FCER1A: variants seen among roughly 807,000 people sequenced by gnomAD.
The protein encoded by FCER1A is high affinity immunoglobulin epsilon receptor subunit alpha.
A neutral mutation model predicts 23.6 loss-of-function variants in FCER1A; 24 were observed. That is an observed-to-expected ratio of 1.02 (90% CI 0.74 to 1.43). The LOEUF (loss-of-function observed/expected upper bound fraction) is 1.43, where lower values mean the gene tolerates loss of function less well. FCER1A is among the 40% of genes most tolerant of loss of function. The pLI is 0.00. For missense variants in FCER1A, 318 were observed against 294.5 expected (o/e 1.08, Z -0.58); for synonymous variants, 121 against 108.8 (o/e 1.11, Z -0.70).
In FCER1A at chr1:159,303,878, A is replaced by G. The variant is rs756393452; in HGVS notation, c.77-50A>G. 21 of 1,487,198 alleles carry G rather than the reference A, an allele frequency of 1.4e-5. No individual in the cohort carries two copies. In the South Asian group the frequency reaches 1.6e-4, roughly 11 times the overall value. 92.1% of individuals were successfully genotyped at this position (1,487,198 alleles called of 1,614,324 possible). ...TACTTTTAAGCCTAGACAGTTTTCA[A>G]TGACTTTTTTTCTCTCTACATGTCT... On this transcript the variant is annotated intron_variant, in intron 2 of 4. Transcript: ENST00000693622.
rs551826462 is a variant in FCER1A, at chr1:159,304,421, A to G, written c.331+239A>G. Among the ~76,000 whole-genome samples, 76 of 152,094 alleles carry G rather than the reference A, an allele frequency of 5.0e-4. No individual in the cohort carries two copies. In the Middle Eastern group the frequency reaches 0.01, roughly 20 times the overall value. On this transcript the variant is annotated intron_variant, in intron 3 of 4. Transcript: ENST00000693622. ...TCGAGACCATCCGGCTAACATGGTG[A>G]AACCCCATCTCTGCTAAAAAATATA...
At chr1:159,307,603 T>G in intron 4 of FCER1A, 145 bp from the exon 5 acceptor site, 2 of 592,202 alleles carry the variant, frequency 3.4e-6, no homozygotes, top group Non-Finnish European at 5.9e-6. Flanking sequence ...AATCTGAGTG[T>G]TTTCTCTGTG....
At chr1:159,297,259 G>T (rs1430511193) in intron 1 of FCER1A, among the ~76,000 whole-genome samples, 1 of 152,088 alleles carries the variant, frequency 6.6e-6, no homozygotes, top group Non-Finnish European at 1.5e-5. Flanking sequence ...TGTGGGTGTG[G>T]TTATGTGTGT....
chr1:159,289,119 T>C (rs1282015610), upstream of FCER1A, among the ~76,000 whole-genome samples: 1 of 152,174 alleles, frequency 6.6e-6, no homozygotes, highest in Non-Finnish European at 1.5e-5. Flanking sequence ...CTATTCTGCT[T>C]CCAACTCCTT....
In FCER1A at chr1:159,307,995, A is replaced by G. The variant is rs1257529755; in HGVS notation, c.*63A>G. On this transcript the variant is annotated 3_prime_UTR_variant, in exon 5 of 5. Coordinates refer to ENST00000693622, the MANE Select transcript of FCER1A (RefSeq NM_001387280.1). ...TTCCAGCATCAGCAATTGCTACTCA[A>G]TTGTCAAACACAGCTTGCAATATAC... 4.9e-6 allele frequency: 6 copies of G among 1,213,370 alleles called. No individual in the cohort carries two copies. Among genetic ancestry groups the G allele is most frequent in the African/African-American group, 4.5e-5 (3 of 66,248 alleles). 75.2% of individuals were successfully genotyped at this position (1,213,370 alleles called of 1,614,324 possible).
chr1:159,286,470 C>T (rs1260987140), upstream of FCER1A, among the ~76,000 whole-genome samples: 3 of 151,730 alleles, frequency 2.0e-5, no homozygotes, highest in Non-Finnish European at 4.4e-5. Flanking sequence ...GTAGCTGGGA[C>T]TACAGGCGCC....
At chr1:159,289,435 A>G (rs1477880116), upstream of FCER1A, among the ~76,000 whole-genome samples, 7 of 152,206 alleles carry the variant, frequency 4.6e-5, no homozygotes, top group African/African-American at 1.7e-4. Flanking sequence ...TTGTAGTACA[A>G]TCTTTCCATT....
At position 159,304,019 on chromosome 1, in the gene FCER1A, C is replaced by A; in HGVS notation, c.168C>A (p.Phe56Leu). 9.9e-6 allele frequency: 16 copies of A among 1,613,886 alleles called. No homozygotes were observed. The highest frequency in any genetic ancestry group is 1.4e-5 in the Non-Finnish European group (16 of 1,179,772). The change falls in exon 3 of 5, where the codon TTC becomes TTA. Residue 56 changes from phenylalanine to leucine, a missense_variant. Phe to Leu is a conservative substitution (Grantham distance 22). Transcript: ENST00000693622. The stretch of plus-strand genomic sequence containing the variant: ...CTCTTACATGTAATGGGAACAATTT[C>A]TTTGAAGTCAGTTCCACCAAATGGT... ...NVTLTCNGNN[F>L]FEVSSTKWFH...
Position 159,306,245 on chromosome 1 carries a change from G to A in FCER1A, c.589G>A (p.Ala197Thr). ...SEPLNITVIK[A>T]PREKYWLQFF... ...GCCCCTCAACATTACTGTAATAAAAGGTGAGTTGGTAAAGGAAAGGAAAAG... is the reference window on the plus strand; with the variant it reads ...GCCCCTCAACATTACTGTAATAAAAAGTGAGTTGGTAAAGGAAAGGAAAAG... The change falls in exon 4 of 5, where the codon GCT becomes ACT. Residue 197 changes from alanine to threonine, a missense_variant and splice_region_variant. Ala to Thr is a moderately conservative substitution (Grantham distance 58). Transcript: ENST00000693622. 1 of 1,612,464 alleles carries A rather than the reference G, an allele frequency of 6.2e-7. No homozygotes were observed. Among genetic ancestry groups the A allele is most frequent in the Non-Finnish European group, 8.5e-7 (1 of 1,179,128 alleles).
chr1:159,298,958 T>C (rs757504989), upstream of FCER1A, among the ~76,000 whole-genome samples: 25 of 152,062 alleles, frequency 1.6e-4, no homozygotes, highest in Admixed American at 5.2e-4. Flanking sequence ...GACATCTTTA[T>C]CTATCTATCT....
At chr1:159,290,461 TAAGTCA>T (rs1295122123) in intron 1 of FCER1A, among the ~76,000 whole-genome samples, 1 of 152,166 alleles carries the variant, frequency 6.6e-6, no homozygotes, top group Non-Finnish European at 1.5e-5. Flanking sequence ...TCATAAATTT[TAAGTCA>T]AAAGATGACC....
intron 1 of FCER1A, 27 bp from the exon 2 acceptor site, chr1:159,302,827 T>C (rs1459120979): frequency 6.2e-7 from 1 of 1,608,568 alleles, no homozygotes; most frequent in Admixed American, 1.7e-5. Flanking sequence ...TGCTGGACAC[T>C]AATGTATCCT....
intron 1 of FCER1A, among the ~76,000 whole-genome samples, chr1:159,291,243 G>A (rs907380009): frequency 5.9e-5 from 9 of 152,056 alleles, no homozygotes; most frequent in Admixed American, 1.3e-4. Context: ...GTTTTCCCCT[G>A]CTTTTGTGTA....
chr1:159,306,165 A>T lies in FCER1A; in HGVS notation c.509A>T (p.Asp170Val), dbSNP rs991180022. ...NISITNATVEDSGTYYCTGKV... is the reference protein window; with the variant it reads ...NISITNATVEVSGTYYCTGKV... Reference sequence around the variant, plus strand: ...TCCATTACAAATGCCACAGTTGAAGACAGTGGAACCTACTACTGTACGGGC... The same window carrying T: ...TCCATTACAAATGCCACAGTTGAAGTCAGTGGAACCTACTACTGTACGGGC... Residue 170 changes from aspartate to valine, a missense_variant, in exon 4 of 5, where the codon GAC becomes GTC. By Grantham distance (152) the Asp-to-Val change is radical. Coordinates refer to ENST00000693622, the MANE Select transcript of FCER1A (RefSeq NM_001387280.1). The T allele has an allele frequency of 6.2e-7, 1 of 1,614,148 alleles. No homozygotes were observed. Among genetic ancestry groups the T allele is most frequent in the Non-Finnish European group, 8.5e-7 (1 of 1,179,990 alleles).
chr1:159,304,382 A>G (rs1452767322), intron 3 of FCER1A, among the ~76,000 whole-genome samples, 200 bp downstream of exon 3: 2 of 152,076 alleles, frequency 1.3e-5, no homozygotes, highest in African/African-American at 4.8e-5. Context: ...CAGGTGGATC[A>G]CGAGGTCAGG....
intron 1 of FCER1A, 116 bp from the exon 2 acceptor site, chr1:159,302,738 G>A (rs1380837031): frequency 6.5e-6 from 6 of 918,620 alleles, no homozygotes; most frequent in Non-Finnish European, 1.1e-5. Flanking sequence ...TTCCTGAAAA[G>A]ACGGTTGGTC....
rs764190720 is a variant in FCER1A at position 159,306,151 on chromosome 1, T to C, written c.495T>C (p.Asn165=). Residue 165 remains asparagine, a synonymous_variant, in exon 4 of 5, where the codon AAT becomes AAC. Coordinates refer to ENST00000693622, the MANE Select transcript of FCER1A (RefSeq NM_001387280.1). ...AGAACCACAACATCTCCATTACAAA[T>C]GCCACAGTTGAAGACAGTGGAACCT... is the stretch of plus-strand genomic sequence containing the variant. ...WYENHNISIT[N]ATVEDSGTYY... 1.7e-5 allele frequency: 27 copies of C among 1,614,032 alleles called. No homozygotes were observed. Among genetic ancestry groups the C allele is most frequent in the South Asian group, 3.3e-5 (3 of 91,086 alleles).
upstream of FCER1A, among the ~76,000 whole-genome samples, chr1:159,299,257 T>C (rs960245300): frequency 3.3e-5 from 5 of 152,220 alleles, no homozygotes; most frequent in Non-Finnish European, 7.3e-5. Context: ...TCGTTTCATA[T>C]TCAATTTTAT....
At chr1:159,289,959 A>G (rs1470210407) in intron 1 of FCER1A, among the ~76,000 whole-genome samples, 1 of 152,204 alleles carries the variant, frequency 6.6e-6, no homozygotes, top group African/African-American at 2.4e-5. Context: ...AGTGGAGGTC[A>G]GATTGTGGTA....
Sources: allele counts gnomAD v4.1 joint callset (sites outside exome capture counted in the v4.1 genomes callset), GRCh38; gene constraint gnomAD v4.1.1; transcripts MANE v1.5; gene names NCBI Gene and HGNC (gene_info 2026-07-23, HGNC 2026-07-21).